NEGR1: variants seen among roughly 807,000 people sequenced by gnomAD.
NEGR1 encodes the protein IgLON family member 4.
In NEGR1, 10 loss-of-function variants were observed where a neutral mutation model predicts 40.9. That is an observed-to-expected ratio of 0.24 (90% CI 0.15 to 0.42). The LOEUF is 0.42. NEGR1 is among the 10% of genes least tolerant of loss of function. The pLI is 1.00. For synonymous variants in NEGR1, 185 were observed against 166.8 expected, an observed-to-expected ratio of 1.11 and a Z score of -0.84; for missense variants, 352 against 438.9, an observed-to-expected ratio of 0.80 and a Z score of 1.77.
chr1:71,570,134 C>T (rs1648764196), intron 6 of NEGR1, among the ~76,000 whole-genome samples: 1 of 152,156 alleles, frequency 6.6e-6, no homozygotes, highest in Admixed American at 6.5e-5. Flanking sequence ...GAGGAGTTTT[C>T]CAAGGGGAGT....
chr1:72,119,412 A>T (rs1382503614), intron 1 of NEGR1, among the ~76,000 whole-genome samples: 1 of 151,894 alleles, frequency 6.6e-6, no homozygotes, highest in African/African-American at 2.4e-5. Context: ...AATTAGCATG[A>T]TATTATATTT....
At chr1:71,958,494 C>G (rs938925887) in intron 1 of NEGR1, among the ~76,000 whole-genome samples, 1 of 152,176 alleles carries the variant, frequency 6.6e-6, no homozygotes, top group Admixed American at 6.5e-5. Context: ...GGGAATCATA[C>G]TACTCCCAAG....
chr1:72,167,515 TATATAAC>T (rs1651811103), intron 1 of NEGR1, among the ~76,000 whole-genome samples: 1 of 152,124 alleles, frequency 6.6e-6, no homozygotes, highest in African/African-American at 2.4e-5. Context: ...TATATAGTGT[TATATAAC>T]ATATGAGTAC....
At chr1:71,899,599 C>G (rs1436521342) in intron 2 of NEGR1, among the ~76,000 whole-genome samples, 1 of 152,062 alleles carries the variant, frequency 6.6e-6, no homozygotes, top group Non-Finnish European at 1.5e-5. Flanking sequence ...GCGTATAACC[C>G]CATTTACTGA....
chr1:71,946,012 A>G (rs1205899435), intron 1 of NEGR1, among the ~76,000 whole-genome samples: 1 of 152,160 alleles, frequency 6.6e-6, no homozygotes, highest in Non-Finnish European at 1.5e-5. Flanking sequence ...TCCCAAGCCC[A>G]TTAATGTAAG....
At chr1:71,700,294 C>G (rs1439894793) in intron 3 of NEGR1, among the ~76,000 whole-genome samples, 3 of 151,806 alleles carry the variant, frequency 2.0e-5, no homozygotes, top group African/African-American at 7.3e-5. Context: ...TGCTAAAGAG[C>G]CCAGTGACAC....
intron 1 of NEGR1, among the ~76,000 whole-genome samples, chr1:72,143,914 A>ATT (rs1491498187): frequency 1.5e-5 from 2 of 130,614 alleles, no homozygotes; most frequent in Non-Finnish European, 3.2e-5. Flanking sequence ...TGATATATAT[A>ATT]ATATATATAT....
chr1:72,206,637 T>C (rs569249118), intron 1 of NEGR1, among the ~76,000 whole-genome samples: 61 of 152,198 alleles, frequency 4.0e-4, no homozygotes, highest in Middle Eastern at 3.4e-3. Flanking sequence ...TGGGTTCTCA[T>C]AGTCAAGACC....
intron 1 of NEGR1, among the ~76,000 whole-genome samples, chr1:71,950,357 T>C (rs1646058762): frequency 6.6e-6 from 1 of 151,968 alleles, no homozygotes; most frequent in South Asian, 2.1e-4. Flanking sequence ...AATAAATGCA[T>C]GGGAATTATA....
At position 72,252,335 on chromosome 1, in the gene NEGR1, C is replaced by T. The variant is rs1052718676; in HGVS notation, c.176+29984G>A. Among the ~76,000 whole-genome samples, 5 of 152,208 alleles carry T rather than the reference C, an allele frequency of 3.3e-5. No homozygotes were observed. In the South Asian group the frequency reaches 8.3e-4, roughly 25 times the overall value. ...CTAGGATTACAGGCATGAGCCATTG[C>T]GCCCAGCCTTCAGCCTTACTTCTTA... On this transcript the variant is annotated intron_variant, in intron 1 of 6. Coordinates refer to ENST00000357731, the MANE Select transcript of NEGR1 (RefSeq NM_173808.3).
chr1:72,229,695 G>A (rs916312277), intron 1 of NEGR1, among the ~76,000 whole-genome samples: 1 of 151,518 alleles, frequency 6.6e-6, no homozygotes, highest in African/African-American at 2.4e-5. Context: ...GAGATCTAAT[G>A]AACAAAGTTT....
Position 71,592,886 on chromosome 1 carries a change from G to T in NEGR1, c.871C>A (p.His291Asn). 6.2e-7 allele frequency: 1 copy of T among 1,612,026 alleles called. No individual in the cohort carries two copies. The highest frequency in any genetic ancestry group is 1.1e-5 in the South Asian group (1 of 91,032). The change falls in exon 6 of 7, where the codon CAC becomes AAC. Residue 291 changes from histidine (H) to asparagine (N), a missense_variant. Physicochemically the swap from His to Asn is moderately conservative, Grantham distance 68. This residue lies in a region of NEGR1 where 184 missense variants were observed against 208.7 expected (regional missense o/e 0.88). Transcript: ENST00000357731. ...GCCACACAGGTATAATTGCCGAAGT[G>T]CTCCTGTGTCACGTTGGTAACAGTG... is the stretch of plus-strand genomic sequence containing the variant. Reference protein sequence around the residue: ...ILTVTNVTQEHFGNYTCVAAN... With the variant: ...ILTVTNVTQENFGNYTCVAAN...
intron 2 of NEGR1, among the ~76,000 whole-genome samples, chr1:71,874,432 C>T (rs1055260832): frequency 3.9e-5 from 6 of 152,128 alleles, no homozygotes; most frequent in African/African-American, 1.4e-4. Context: ...AACACAACTT[C>T]TTATTTTCTC....
chr1:72,112,793 G>A (rs937327583), intron 1 of NEGR1, among the ~76,000 whole-genome samples: 1 of 151,556 alleles, frequency 6.6e-6, no homozygotes, highest in Non-Finnish European at 1.5e-5. Context: ...CCTCACTACT[G>A]CCATTGGCCA....
intron 6 of NEGR1, among the ~76,000 whole-genome samples, chr1:71,493,482 G>A (rs186037447): frequency 7.0e-4 from 106 of 151,968 alleles, no homozygotes; most frequent in Non-Finnish European, 1.3e-3. Flanking sequence ...ATCCTTGTTT[G>A]GATTCCCTGA....
intron 3 of NEGR1, among the ~76,000 whole-genome samples, chr1:71,740,477 A>T (rs933898307): frequency 1.3e-5 from 2 of 152,154 alleles, no homozygotes; most frequent in African/African-American, 4.8e-5. Context: ...TTTCCTAACG[A>T]GACACTATCC....
rs115056296 is a variant in NEGR1, at chr1:72,059,312, C to T, written c.177-124001G>A. 5.6e-3 allele frequency among the ~76,000 whole-genome samples: 849 copies of T among 151,616 alleles called. 3 individuals carry two copies. Among genetic ancestry groups the T allele is most frequent in the African/African-American group, 0.02 (825 of 41,432 alleles). ...GTAATCCAAGTCCACAATCAATGGT[C>T]TGATCACCCCTCATGCTGCAGACCC... On this transcript the variant is annotated intron_variant, in intron 1 of 6. Transcript: ENST00000357731.
At chr1:71,641,331 GT>G (rs1180683499) in intron 4 of NEGR1, among the ~76,000 whole-genome samples, 1 of 152,006 alleles carries the variant, frequency 6.6e-6, no homozygotes, top group Non-Finnish European at 1.5e-5. Context: ...CTCACGAAAG[GT>G]TGAGAAGGTA....
intron 6 of NEGR1, among the ~76,000 whole-genome samples, chr1:71,577,079 T>C (rs1167702493): frequency 6.6e-6 from 1 of 152,226 alleles, no homozygotes; most frequent in Non-Finnish European, 1.5e-5. Flanking sequence ...ACAGATGCTT[T>C]AGAGAAGTTG....
Sources: gnomAD v4.1 joint callset for allele counts (sites outside exome capture counted in the v4.1 genomes callset) on GRCh38, gnomAD v4.1.1 for gene constraint, gnomAD v4.1.1 regional missense constraint, MANE v1.5 for transcripts, NCBI Gene and HGNC (gene_info 2026-07-23, HGNC 2026-07-21) for gene names.